Variants in AKIRIN2 observed in about 807,000 individuals in gnomAD.
AKIRIN2 encodes akirin-2.
In AKIRIN2, 6 loss-of-function variants were observed where a neutral mutation model predicts 29.3. That is an observed-to-expected ratio of 0.20 (90% CI 0.11 to 0.40). The LOEUF is 0.40. Ranked by LOEUF, AKIRIN2 falls within the 10% of genes least tolerant of loss-of-function variation. The pLI is 1.00. For missense variants in AKIRIN2, 210 were observed against 276.1 expected (o/e 0.76, Z 1.70); for synonymous variants, 128 against 117.5 (o/e 1.09, Z -0.58).
intron 1 of AKIRIN2, among the ~76,000 whole-genome samples, chr6:87,698,027 T>C (rs890275415): frequency 1.3e-5 from 2 of 152,232 alleles, no homozygotes; most frequent in Non-Finnish European, 2.9e-5. Flanking sequence ...GGGAATGTCA[T>C]GACAATCTTT....
Position 87,675,268 on chromosome 6 carries a change from GTT to G in AKIRIN2, c.*327_*328del. ...ACTTCATCTGAAGTGTCATTCTACAGTTTTATTTACACAACCAGTGAAGGGCA... is the reference window on the plus strand; with the variant it reads ...ACTTCATCTGAAGTGTCATTCTACAGTTATTTACACAACCAGTGAAGGGCA... On this transcript the variant is annotated 3_prime_UTR_variant, in exon 5 of 5. Coordinates refer to ENST00000257787, the MANE Select transcript of AKIRIN2 (RefSeq NM_018064.4). 1 of 346,344 alleles carries G rather than the reference GTT, an allele frequency of 2.9e-6. No individual in the cohort carries two copies. Among genetic ancestry groups the G allele is most frequent in the Non-Finnish European group, 5.3e-6 (1 of 187,856 alleles). 21.5% of individuals were successfully genotyped at this position (346,344 alleles called of 1,614,324 possible).
At chr6:87,697,281 C>A (rs995846208) in intron 1 of AKIRIN2, among the ~76,000 whole-genome samples, 1 of 150,702 alleles carries the variant, frequency 6.6e-6, no homozygotes, top group African/African-American at 2.5e-5. Context: ...CCACTGCACT[C>A]CAGCCTGAGT....
chr6:87,684,317 TTA>T (rs1214448357), intron 1 of AKIRIN2, among the ~76,000 whole-genome samples: 1 of 152,168 alleles, frequency 6.6e-6, no homozygotes, highest in Non-Finnish European at 1.5e-5. Flanking sequence ...TTTAAAAATT[TTA>T]TCTTTGTAAA....
At position 87,701,585 on chromosome 6, in the gene AKIRIN2, T is replaced by C. The variant is rs1015812232; in HGVS notation, c.100A>G (p.Thr34Ala). ...GACAACGGGGAGGCAGCGGCCGAGG[T>C]GGGCGCCGACAATGGCGCACATCGC... ...RRRCAPLSAP[T>A]SAAASPLSAA... Residue 34 changes from threonine (T) to alanine (A), a missense_variant, in exon 1 of 5, where the codon ACC becomes GCC. By Grantham distance (58) the Thr-to-Ala change is moderately conservative (BLOSUM62 0). Transcript: ENST00000257787. 1 of 1,424,854 alleles carries C rather than the reference T, an allele frequency of 7.0e-7. No individual in the cohort carries two copies. Among genetic ancestry groups the C allele is most frequent in the Non-Finnish European group, 9.2e-7 (1 of 1,091,876 alleles). 88.3% of individuals were successfully genotyped at this position (1,424,854 alleles called of 1,614,324 possible). A position where few individuals can be genotyped will look rare whatever the true frequency, so the allele number is the denominator to read the frequency against.
intron 1 of AKIRIN2, among the ~76,000 whole-genome samples, chr6:87,698,030 C>T (rs1673147273): frequency 6.6e-6 from 1 of 152,176 alleles, no homozygotes; most frequent in African/African-American, 2.4e-5. Flanking sequence ...AATGTCATGA[C>T]AATCTTTTGG....
intron 1 of AKIRIN2, among the ~76,000 whole-genome samples, chr6:87,686,906 C>A (rs1582120835): frequency 6.6e-6 from 1 of 151,346 alleles, no homozygotes; most frequent in Non-Finnish European, 1.5e-5. Context: ...ATTAGCCAGG[C>A]ATGGTGGTGG....
At position 87,675,268 on chromosome 6, in the gene AKIRIN2, G is replaced by C. The variant is rs1405343586; in HGVS notation, c.*329C>G. ...ACTTCATCTGAAGTGTCATTCTACAGTTTTATTTACACAACCAGTGAAGGG... is the reference window on the plus strand; with the variant it reads ...ACTTCATCTGAAGTGTCATTCTACACTTTTATTTACACAACCAGTGAAGGG... On this transcript the variant is annotated 3_prime_UTR_variant, in exon 5 of 5. Coordinates refer to ENST00000257787, the MANE Select transcript of AKIRIN2 (RefSeq NM_018064.4). 1.4e-5 allele frequency: 5 copies of C among 346,344 alleles called. No homozygotes were observed. The East Asian group carries it at 2.5e-4, about 17-fold the overall frequency. 21.5% of individuals were successfully genotyped at this position (346,344 alleles called of 1,614,324 possible). A position where few individuals can be genotyped will look rare whatever the true frequency, so the allele number is the denominator to read the frequency against.
In AKIRIN2 at chr6:87,701,464, G is replaced by A. The variant is rs535116495; in HGVS notation, c.221C>T (p.Ser74Phe). 4.6e-6 allele frequency: 7 copies of A among 1,523,140 alleles called. No individual in the cohort carries two copies. Among genetic ancestry groups the A allele is most frequent in the African/African-American group, 1.4e-5 (1 of 69,702 alleles). The allele number at this position is 1,523,140 out of a possible 1,614,324, so 94.4% of individuals were successfully genotyped here. ...MEPSPFGDVS[S>F]RLTTEQILYN... Reference sequence around the variant, plus strand: ...CCGGGTCCCACCTGTGGTGAGGCGGGAGGAGACGTCGCCGAAGGGGGATGG... The same window carrying A: ...CCGGGTCCCACCTGTGGTGAGGCGGAAGGAGACGTCGCCGAAGGGGGATGG... Residue 74 changes from serine (S) to phenylalanine (F), a missense_variant, in exon 1 of 5, where the codon TCC becomes TTC. Physicochemically the swap from Ser to Phe is radical, Grantham distance 155. Coordinates refer to ENST00000257787, the MANE Select transcript of AKIRIN2 (RefSeq NM_018064.4).
chr6:87,683,097 A>G (rs574192240), intron 1 of AKIRIN2, among the ~76,000 whole-genome samples: 14 of 152,340 alleles, frequency 9.2e-5, no homozygotes, highest in Middle Eastern at 6.8e-3. Flanking sequence ...CTGGGAGGAC[A>G]AATAAGTTCC....
Position 87,701,909 on chromosome 6 carries a change from G to C in AKIRIN2, c.-225C>G, listed in dbSNP as rs1463752122. 1.9e-5 allele frequency: 8 copies of C among 413,484 alleles called. No individual in the cohort carries two copies. The East Asian group carries it at 2.5e-4, about 13-fold the overall frequency. The allele number at this position is 413,484 out of a possible 1,614,324, so 25.6% of individuals were successfully genotyped here. A position where few individuals can be genotyped will look rare whatever the true frequency, so the allele number is the denominator to read the frequency against. On this transcript the variant is annotated 5_prime_UTR_variant, in exon 1 of 5. Transcript: ENST00000257787. ...GACGGCCCGGGTGAGAGCGGGAGGG[G>C]CGGTGGCGGGCAGAAGCACACGCCA... is the stretch of plus-strand genomic sequence containing the variant.
At chr6:87,691,332 T>C (rs986481687) in intron 1 of AKIRIN2, among the ~76,000 whole-genome samples, 1 of 150,510 alleles carries the variant, frequency 6.6e-6, no homozygotes, top group African/African-American at 2.4e-5. Flanking sequence ...TCCCAGCTAC[T>C]TGGGTGGCTG....
intron 1 of AKIRIN2, among the ~76,000 whole-genome samples, chr6:87,687,594 T>C (rs994138363): frequency 2.6e-5 from 4 of 152,158 alleles, no homozygotes; most frequent in African/African-American, 7.2e-5. Context: ...CCAAGAGCTA[T>C]TGGACTATAA....
intron 1 of AKIRIN2, among the ~76,000 whole-genome samples, chr6:87,684,781 T>C (rs1170298789): frequency 1.3e-5 from 2 of 152,214 alleles, no homozygotes; most frequent in Non-Finnish European, 2.9e-5. Context: ...CTCCTGTTAA[T>C]GGACATTTAG....
At chr6:87,676,196 G>A (rs965577012) in intron 3 of AKIRIN2, among the ~76,000 whole-genome samples, 5 of 151,944 alleles carry the variant, frequency 3.3e-5, no homozygotes. Context: ...CGGGTGCGGT[G>A]GCTCACGCCT....
intron 1 of AKIRIN2, among the ~76,000 whole-genome samples, chr6:87,688,147 G>A (rs918234333): frequency 6.6e-6 from 1 of 151,656 alleles, no homozygotes; most frequent in African/African-American, 2.4e-5. Flanking sequence ...TTGTTTTTGT[G>A]GGGGGACAGA....
intron 1 of AKIRIN2, among the ~76,000 whole-genome samples, chr6:87,689,534 A>G (rs763010293): frequency 2.0e-5 from 3 of 152,188 alleles, no homozygotes; most frequent in Admixed American, 6.5e-5. Flanking sequence ...TAACAGGCCA[A>G]ACTCAGCCCC....
chr6:87,679,153 AAG>A (rs1491035543), intron 2 of AKIRIN2, among the ~76,000 whole-genome samples: 209 of 145,176 alleles, frequency 1.4e-3, no homozygotes, highest in Middle Eastern at 0.01. Flanking sequence ...AAAAAAAAAA[AAG>A]AAATTTCATG....
intron 1 of AKIRIN2, among the ~76,000 whole-genome samples, chr6:87,688,023 T>C (rs1453893925): frequency 1.3e-5 from 2 of 152,052 alleles, no homozygotes; most frequent in African/African-American, 4.8e-5. Flanking sequence ...TCCCCAGCTA[T>C]TGGCAAAATG....
At chr6:87,700,127 T>C (rs1771435334) in intron 1 of AKIRIN2, among the ~76,000 whole-genome samples, 2 of 152,150 alleles carry the variant, frequency 1.3e-5, no homozygotes, top group Non-Finnish European at 1.5e-5. Context: ...TTAAATAAAT[T>C]TATCTAAGAA....
Sources: gnomAD v4.1 joint callset for allele counts (sites outside exome capture counted in the v4.1 genomes callset) on GRCh38, gnomAD v4.1.1 for gene constraint, MANE v1.5 for transcripts, NCBI Gene and HGNC (gene_info 2026-07-23, HGNC 2026-07-21) for gene names.